MDH2: variants seen among roughly 807,000 people sequenced by gnomAD.
MDH2 encodes the protein malate dehydrogenase, mitochondrial.
In MDH2, 25 loss-of-function variants were observed where a neutral mutation model predicts 33.6. The ratio of observed to expected loss-of-function variants is 0.74; its 90% CI spans 0.54 to 1.04. The LOEUF (loss-of-function observed/expected upper bound fraction) is 1.04, where lower values mean the gene tolerates loss of function less well. Among genes scored for constraint, MDH2 ranks in the 50% least tolerant of loss-of-function variants. The pLI, the probability that MDH2 is intolerant of heterozygous loss-of-function variation, is 0.00. For synonymous variants in MDH2, 193 were observed against 188.7 expected (o/e 1.02, Z -0.19); for missense variants, 432 against 445.0 (o/e 0.97, Z 0.26).
chr7:76,061,851 G>A (rs1554587066), intron 5 of MDH2, among the ~76,000 whole-genome samples: 2 of 152,154 alleles, frequency 1.3e-5, no homozygotes, highest in South Asian at 2.1e-4. Context: ...GTCCTGCCCT[G>A]CACCATAGCT....
At chr7:76,051,914 C>T (rs2116650802) in intron 1 of MDH2, among the ~76,000 whole-genome samples, 1 of 152,192 alleles carries the variant, frequency 6.6e-6, no homozygotes, top group South Asian at 2.1e-4. Context: ...AACCTCCGGG[C>T]CACCAAAGAT....
intron 2 of MDH2, among the ~76,000 whole-genome samples, 166 bp from the exon 3 acceptor site, chr7:76,057,244 A>G (rs1160038946): frequency 1.3e-5 from 2 of 152,128 alleles, no homozygotes; most frequent in Non-Finnish European, 2.9e-5. Context: ...TGCCACGGGA[A>G]TTGTCAGCTC....
intron 1 of MDH2, among the ~76,000 whole-genome samples, chr7:76,051,901 T>C (rs1198262676): frequency 3.9e-5 from 6 of 152,178 alleles, no homozygotes; most frequent in Admixed American, 3.9e-4. Flanking sequence ...GAGATCATGA[T>C]CTAACCTCCG....
chr7:76,051,602 T>G (rs1797628941), intron 1 of MDH2, among the ~76,000 whole-genome samples: 1 of 152,162 alleles, frequency 6.6e-6, no homozygotes, highest in Non-Finnish European at 1.5e-5. Context: ...ATTAAACGCG[T>G]GAGCCACCAC....
chr7:76,051,904 A>G (rs1306651727), intron 1 of MDH2, among the ~76,000 whole-genome samples: 2 of 152,222 alleles, frequency 1.3e-5, no homozygotes, highest in Admixed American at 1.3e-4. Context: ...ATCATGATCT[A>G]ACCTCCGGGC....
At chr7:76,048,426 C>A (rs1215223315) in intron 1 of MDH2, 200 bp downstream of exon 1, 1 of 1,102,138 alleles carries the variant, frequency 9.1e-7, no homozygotes, top group Non-Finnish European at 1.2e-6. Flanking sequence ...GAAAAGGGGG[C>A]GAGGTAGTCC....
At chr7:76,049,623 A>G (rs1554585028) in intron 1 of MDH2, among the ~76,000 whole-genome samples, 1 of 152,144 alleles carries the variant, frequency 6.6e-6, no homozygotes, top group African/African-American at 2.4e-5. Flanking sequence ...GGAGAGGTTG[A>G]GTTTTGGTAG....
chr7:76,061,215 G>A (rs1262055372), intron 5 of MDH2, among the ~76,000 whole-genome samples: 1 of 152,156 alleles, frequency 6.6e-6, no homozygotes, highest in South Asian at 2.1e-4. Context: ...TGAGCTTCAG[G>A]CCTTTTTGTT....
intron 1 of MDH2, chr7:76,049,176 G>C: frequency 2.2e-6 from 2 of 890,252 alleles, no homozygotes; most frequent in Non-Finnish European, 2.7e-6. Flanking sequence ...AAATACAAAT[G>C]CTCCTGGATT....
chr7:76,065,110 AG>A, intron 8 of MDH2, 157 bp downstream of exon 8: 1 of 806,650 alleles, frequency 1.2e-6, no homozygotes, highest in Non-Finnish European at 1.9e-6. Context: ...CCGAGAAAAA[AG>A]AGCTGGGAGG....
intron 1 of MDH2, among the ~76,000 whole-genome samples, chr7:76,049,919 C>T (rs1797561566): frequency 1.3e-5 from 2 of 152,148 alleles, no homozygotes; most frequent in Admixed American, 6.5e-5. Flanking sequence ...GCAGCCTCCA[C>T]CTCCCAGGTT....
intron 8 of MDH2, among the ~76,000 whole-genome samples, chr7:76,065,555 G>A (rs1304861875): frequency 6.6e-6 from 1 of 152,204 alleles, no homozygotes; most frequent in Non-Finnish European, 1.5e-5. Context: ...TTCAGCTATG[G>A]CCCCAGGCCT....
chr7:76,058,522 A>G (rs1170532812), intron 4 of MDH2, among the ~76,000 whole-genome samples: 1 of 152,222 alleles, frequency 6.6e-6, no homozygotes, highest in African/African-American at 2.4e-5. Flanking sequence ...TGAACCCTGT[A>G]TATACCATGT....
In MDH2 at chr7:76,066,485, T is replaced by C. The variant is rs1798100979; in HGVS notation, c.*75T>C. ...ACTGCAAAGCCGTTGCAGATAAACT[T>C]TGTATTTTAATTTGCTTTGGTGATG... On this transcript the variant is annotated 3_prime_UTR_variant, in exon 9 of 9. Coordinates refer to ENST00000315758, the MANE Select transcript of MDH2 (RefSeq NM_005918.4). The C allele has an allele frequency of 2.7e-6, 4 of 1,507,334 alleles. No individual in the cohort carries two copies. In the Admixed American group the frequency reaches 8.9e-5, roughly 33 times the overall value. 93.4% of individuals were successfully genotyped at this position (1,507,334 alleles called of 1,614,324 possible). A position where few individuals can be genotyped will look rare whatever the true frequency, so the allele number is the denominator to read the frequency against.
Position 76,066,532 on chromosome 7 carries a change from T to A in MDH2, c.*122T>A. 3.2e-6 allele frequency: 4 copies of A among 1,243,818 alleles called. No individual in the cohort carries two copies. The South Asian group carries it at 6.5e-5, about 20-fold the overall frequency. 77.0% of individuals were successfully genotyped at this position (1,243,818 alleles called of 1,614,324 possible). A position where few individuals can be genotyped will look rare whatever the true frequency, so the allele number is the denominator to read the frequency against. On this transcript the variant is annotated 3_prime_UTR_variant, in exon 9 of 9. Coordinates refer to ENST00000315758, the MANE Select transcript of MDH2 (RefSeq NM_005918.4). ...GATGATTACTGTATTGACATCATCA[T>A]GCCTTCCAAATTGTGGGTGGCTCTG...
chr7:76,064,505 A>AAATGCT, intron 7 of MDH2, 67 bp downstream of exon 7: 2 of 1,348,162 alleles, frequency 1.5e-6, no homozygotes, highest in Non-Finnish European at 2.1e-6. Flanking sequence ...GGTTGGGGAG[A>AAATGCT]AATGCTGCTT....
intron 1 of MDH2, chr7:76,048,750 G>A: frequency 3.2e-6 from 4 of 1,230,922 alleles, no homozygotes; most frequent in Non-Finnish European, 4.0e-6. Flanking sequence ...CTGACCTGAA[G>A]ACGGCTTCCT....
chr7:76,054,083 C>T (rs1161247770), intron 1 of MDH2, among the ~76,000 whole-genome samples: 9 of 152,326 alleles, frequency 5.9e-5, no homozygotes, highest in African/African-American at 1.9e-4. Context: ...AGCCCCATCC[C>T]GCTTCCAGGA....
At chr7:76,052,188 A>G (rs1160042928) in intron 1 of MDH2, among the ~76,000 whole-genome samples, 1 of 152,116 alleles carries the variant, frequency 6.6e-6, no homozygotes, top group African/African-American at 2.4e-5. Context: ...TTTGTTAGAT[A>G]AAGATAGAGA....
Sources: allele counts gnomAD v4.1 joint callset (sites outside exome capture counted in the v4.1 genomes callset), GRCh38; gene constraint gnomAD v4.1.1; transcripts MANE v1.5; gene names NCBI Gene and HGNC (gene_info 2026-07-23, HGNC 2026-07-21).